Variants in ZNF536 observed in about 807,000 individuals in gnomAD.
The protein encoded by ZNF536 is zinc finger protein 536.
A neutral mutation model predicts 84.5 loss-of-function variants in ZNF536; 13 were observed. The ratio of observed to expected loss-of-function variants is 0.15; its 90% CI spans 0.10 to 0.24. The LOEUF is 0.24. Ranked by LOEUF, ZNF536 falls within the 10% of genes least tolerant of loss-of-function variation. The pLI is 1.00. For synonymous variants in ZNF536, 811 were observed against 742.5 expected (o/e 1.09, Z -1.50); for missense variants, 1,536 against 1,747.5 (o/e 0.88, Z 2.16).
At chr19:30,401,983 A>T (rs1164426654) in intron 1 of ZNF536, among the ~76,000 whole-genome samples, 1 of 152,242 alleles carries the variant, frequency 6.6e-6, no homozygotes, top group African/African-American at 2.4e-5. Flanking sequence ...TAATTGGTCC[A>T]ACGAACACTT....
intron 3 of ZNF536, among the ~76,000 whole-genome samples, chr19:30,361,232 G>A (rs779809638): frequency 3.3e-5 from 5 of 152,330 alleles, no homozygotes; most frequent in Admixed American, 6.5e-5. Context: ...GGCACCCGAC[G>A]GGAGAACTCT....
chr19:30,235,221 G>A (rs902485806), intron 1 of ZNF536, among the ~76,000 whole-genome samples: 1 of 152,222 alleles, frequency 6.6e-6, no homozygotes, highest in Admixed American at 6.5e-5. Context: ...GGCAAACTGA[G>A]GGGTGTAGGA....
chr19:30,669,470 AGAAG>A (rs1359637041), intron 1 of ZNF536, among the ~76,000 whole-genome samples: 1 of 152,190 alleles, frequency 6.6e-6, no homozygotes, highest in Admixed American at 6.5e-5. Context: ...TGATGAAGAA[AGAAG>A]GGACAGGCTC....
intron 2 of ZNF536, among the ~76,000 whole-genome samples, chr19:30,334,535 T>C (rs1404490475): frequency 6.6e-6 from 1 of 152,180 alleles, no homozygotes; most frequent in Non-Finnish European, 1.5e-5. Context: ...CACCCATCGC[T>C]GGGAGCCCAC....
chr19:30,231,802 A>ATGTG (rs370690619), intron 1 of ZNF536, among the ~76,000 whole-genome samples: 4 of 149,674 alleles, frequency 2.7e-5, no homozygotes, highest in African/African-American at 4.9e-5. Flanking sequence ...GGTGGTGGTG[A>ATGTG]TGTGTGTGTG....
chr19:30,244,242 C>T (rs2024123388), intron 1 of ZNF536, among the ~76,000 whole-genome samples: 1 of 152,108 alleles, frequency 6.6e-6, no homozygotes, highest in Admixed American at 6.5e-5. Context: ...CACTCCTTTC[C>T]ACCTGACCCA....
intron 1 of ZNF536, among the ~76,000 whole-genome samples, chr19:30,574,669 T>C (rs1212027794): frequency 6.6e-6 from 1 of 152,210 alleles, no homozygotes; most frequent in African/African-American, 2.4e-5. Flanking sequence ...GAAGCCCATG[T>C]AATCCCATGC....
At chr19:30,349,692 C>G (rs796433936) in intron 2 of ZNF536, among the ~76,000 whole-genome samples, 2 of 151,994 alleles carry the variant, frequency 1.3e-5, no homozygotes, top group Non-Finnish European at 1.5e-5. Flanking sequence ...TCGACCCTGC[C>G]CTCACCAACT....
At chr19:30,649,464 A>G (rs949495893) in intron 1 of ZNF536, among the ~76,000 whole-genome samples, 1 of 152,120 alleles carries the variant, frequency 6.6e-6, no homozygotes, top group Admixed American at 6.5e-5. Flanking sequence ...CATTTAGATG[A>G]GGAACATTAA....
intron 1 of ZNF536, among the ~76,000 whole-genome samples, chr19:30,401,638 CG>C (rs2050051282): frequency 6.6e-6 from 1 of 152,118 alleles, no homozygotes. Context: ...GGGTAAAAAC[CG>C]TAAGTAAACA....
chr19:30,322,742 T>C (rs1160772460), intron 2 of ZNF536, among the ~76,000 whole-genome samples: 1 of 151,342 alleles, frequency 6.6e-6, no homozygotes. Context: ...GAACTCTTCA[T>C]GAGCCCTCCA....
At chr19:30,534,654 T>C (rs576573385) in intron 2 of ZNF536, among the ~76,000 whole-genome samples, 193 bp from the exon 3 acceptor site, 3 of 152,282 alleles carry the variant, frequency 2.0e-5, no homozygotes, top group African/African-American at 7.2e-5. Flanking sequence ...CTTAAAATGG[T>C]GATAGGAAAG....
At position 30,703,166 on chromosome 19, in the gene ZNF536, G is replaced by A. The variant is rs542135503; in HGVS notation, c.170-7591G>A. On this transcript the variant is annotated intron_variant, in intron 1 of 1. Transcript: ENST00000592773. ...CAGGCAGAGTCCAGATCGAGGAGAC[G>A]ATCAGGGAGGATCGAGCAAAGGTCC... Among the ~76,000 whole-genome samples the A allele has an allele frequency of 3.7e-4, 57 of 152,310 alleles. No homozygotes were observed. In the South Asian group the frequency reaches 0.011, roughly 30 times the overall value.
At position 30,592,604 on chromosome 19, in the gene ZNF536, C is replaced by T. The variant is rs899558555; in HGVS notation, c.169+43090C>T. Among the ~76,000 whole-genome samples the T allele has an allele frequency of 5.9e-5, 9 of 152,128 alleles. 1 individual carries two copies. Among genetic ancestry groups the T allele is most frequent in the African/African-American group, 1.7e-4 (7 of 41,428 alleles). ...CAAGACGTGGTCACAGTTTATACAC[C>T]ATTCCATAATGGATTTTCATGTTTG... On this transcript the variant is annotated intron_variant, in intron 1 of 1. Coordinates refer to the ZNF536 transcript ENST00000592773.
At chr19:30,506,809 A>G (rs183054188) in intron 2 of ZNF536, among the ~76,000 whole-genome samples, 1 of 152,332 alleles carries the variant, frequency 6.6e-6, no homozygotes, top group Admixed American at 6.5e-5. Flanking sequence ...TAACCTGATT[A>G]TAAAACTAAT....
At chr19:30,348,130 C>T (rs967156227) in intron 2 of ZNF536, among the ~76,000 whole-genome samples, 7 of 152,224 alleles carry the variant, frequency 4.6e-5, no homozygotes, top group African/African-American at 1.7e-4. Context: ...CTTTCTATTT[C>T]TCCATCCATC....
At chr19:30,238,654 C>A (rs1411989633) in intron 1 of ZNF536, among the ~76,000 whole-genome samples, 1 of 151,864 alleles carries the variant, frequency 6.6e-6, no homozygotes. Context: ...TCCTTCCTTC[C>A]TATCTGTCTC....
intron 1 of ZNF536, among the ~76,000 whole-genome samples, chr19:30,418,725 C>G (rs963035998): frequency 2.0e-5 from 3 of 152,164 alleles, no homozygotes; most frequent in African/African-American, 7.2e-5. Flanking sequence ...CCATTTCCTT[C>G]ATGCCACCAT....
intron 1 of ZNF536, among the ~76,000 whole-genome samples, chr19:30,653,622 G>A (rs1206278349): frequency 6.6e-6 from 1 of 152,028 alleles, no homozygotes; most frequent in African/African-American, 2.4e-5. Context: ...TCCCTTAGGA[G>A]CAGAGGATGG....
Sources: gnomAD v4.1 joint callset for allele counts (sites outside exome capture counted in the v4.1 genomes callset) on GRCh38, gnomAD v4.1.1 for gene constraint, MANE v1.5 for transcripts, NCBI Gene and HGNC (gene_info 2026-07-23, HGNC 2026-07-21) for gene names.